Variants in MAP3K4 observed in about 807,000 individuals in gnomAD.
The protein encoded by MAP3K4 is MAP three kinase 1.
Under a neutral mutation model 185.6 loss-of-function variants are expected in MAP3K4, and 67 were observed. The ratio of observed to expected loss-of-function variants is 0.36; its 90% CI spans 0.30 to 0.44. MAP3K4 has a LOEUF of 0.44. MAP3K4 is among the 20% of genes least tolerant of loss of function. The pLI is 1.00. For synonymous variants in MAP3K4, 702 were observed against 710.4 expected (o/e 0.99, Z 0.19); for missense variants, 1,551 against 1,995.1 (o/e 0.78, Z 4.24).
intron 1 of MAP3K4, among the ~76,000 whole-genome samples, chr6:161,024,926 T>C (rs1782569575): frequency 6.6e-6 from 1 of 152,212 alleles, no homozygotes; most frequent in Non-Finnish European, 1.5e-5. Flanking sequence ...TACGTATGTA[T>C]GTATGTATGT....
Position 161,007,282 on chromosome 6 carries a change from C to G in MAP3K4, c.152+15199C>G, listed in dbSNP as rs1447177658. ...GGACAGTTAAGTAGACGATTTTATT[C>G]GGGATATTGCAGTGGGGAAAAACAT... On this transcript the variant is annotated intron_variant, in intron 1 of 26. Transcript: ENST00000392142. This position sits in a 1 kb window ranked among gnomAD's most constrained non-coding sequence, Gnocchi z 4.5. Among the ~76,000 whole-genome samples the G allele has an allele frequency of 6.6e-6, 1 of 152,042 alleles. No individual in the cohort carries two copies. The highest frequency in any genetic ancestry group is 2.4e-5 in the African/African-American group (1 of 41,418).
At chr6:161,004,676 A>G (rs1406758786) in intron 1 of MAP3K4, among the ~76,000 whole-genome samples, 1 of 152,258 alleles carries the variant, frequency 6.6e-6, no homozygotes, top group Non-Finnish European at 1.5e-5. Context: ...TTACCAAGAA[A>G]TAATAGATGA....
chr6:161,038,194 C>A (rs1783271456), intron 2 of MAP3K4, among the ~76,000 whole-genome samples: 1 of 152,184 alleles, frequency 6.6e-6, no homozygotes, highest in South Asian at 2.1e-4. Context: ...TGAATAAGAC[C>A]TAGTTCCAGG....
At position 161,109,996 on chromosome 6, in the gene MAP3K4, C is replaced by A; in HGVS notation, c.4396+82C>A. On this transcript the variant is annotated intron_variant, in intron 23 of 26. Coordinates refer to ENST00000392142, the MANE Select transcript of MAP3K4 (RefSeq NM_005922.4). This position sits in a 1 kb window ranked among gnomAD's most constrained non-coding sequence, Gnocchi z 5.7. ...GGAGGTGCTCTGAAGACGCTCATCC[C>A]ATTCCCACATATGATTTCTCTAGAT... 1 of 1,401,420 alleles carries A rather than the reference C, an allele frequency of 7.1e-7. No homozygotes were observed. The highest frequency in any genetic ancestry group is 1.0e-6 in the Non-Finnish European group (1 of 1,001,226). 86.8% of individuals were successfully genotyped at this position (1,401,420 alleles called of 1,614,324 possible).
intron 19 of MAP3K4, among the ~76,000 whole-genome samples, chr6:161,105,712 G>A (rs1437562532): frequency 3.3e-5 from 5 of 152,222 alleles, no homozygotes. Context: ...GGTGTGTTCT[G>A]TAAGAGTCTT....
In MAP3K4 at chr6:161,046,568, ATC is replaced by A. The variant is rs1162830770; in HGVS notation, c.344-2044_344-2043del. On this transcript the variant is annotated intron_variant, in intron 2 of 26. Coordinates refer to ENST00000392142, the MANE Select transcript of MAP3K4 (RefSeq NM_005922.4). ...TTTGTATACTAAAATACAGCAAAAA[ATC>A]TCTATGGACAGATTGGTTTAAAACC... is the stretch of plus-strand genomic sequence containing the variant. Among the ~76,000 whole-genome samples, 32 of 151,920 alleles carry A rather than the reference ATC, an allele frequency of 2.1e-4. 1 individual carries two copies. Among genetic ancestry groups the A allele is most frequent in the Non-Finnish European group, 5.9e-5 (4 of 67,878 alleles).
intron 2 of MAP3K4, among the ~76,000 whole-genome samples, chr6:161,039,291 A>AC (rs1783330988): frequency 6.6e-6 from 1 of 151,848 alleles, no homozygotes; most frequent in Non-Finnish European, 1.5e-5. Context: ...AAAAAAAAAA[A>AC]AAAAAAAAAC....
In MAP3K4 at chr6:161,076,148, C is replaced by CAAGCT. The variant is rs1785165611; in HGVS notation, c.2097+2537_2097+2541dup. ...ATGTAAACTAAAATGAAGGTAAACC[C>CAAGCT]AAGCTCTAAATACGTGTCCGCCTTA... On this transcript the variant is annotated intron_variant, in intron 5 of 26. Coordinates refer to ENST00000392142, the MANE Select transcript of MAP3K4 (RefSeq NM_005922.4). The surrounding 1 kb of genome is among the most constrained non-coding windows in gnomAD (Gnocchi z 4.2). Among the ~76,000 whole-genome samples, 1 of 152,166 alleles carries CAAGCT rather than the reference C, an allele frequency of 6.6e-6. No individual in the cohort carries two copies. The highest frequency in any genetic ancestry group is 2.1e-4 in the South Asian group (1 of 4,826).
intron 3 of MAP3K4, among the ~76,000 whole-genome samples, chr6:161,058,978 T>G (rs1353604207): frequency 6.6e-6 from 1 of 152,186 alleles, no homozygotes; most frequent in African/African-American, 2.4e-5. Flanking sequence ...AATGGAATTG[T>G]TAGGTCATGG....
At position 161,089,410 on chromosome 6, in the gene MAP3K4, C is replaced by G; in HGVS notation, c.2912C>G (p.Thr971Ser). The change falls in exon 11 of 27, where the codon ACT becomes AGT. Residue 971 changes from threonine (T) to serine (S), a missense_variant. Physicochemically the swap from Thr to Ser is moderately conservative, Grantham distance 58. This residue lies in a region of MAP3K4 where 261 missense variants were observed against 306.5 expected (regional missense o/e 0.85). Coordinates refer to ENST00000392142, the MANE Select transcript of MAP3K4 (RefSeq NM_005922.4). Reference sequence around the variant, plus strand: ...CAGCAGTCCATTGAGGGACTTATGACTCTGTGCCAGGAGCAGACATCCAGT... The same window carrying G: ...CAGCAGTCCATTGAGGGACTTATGAGTCTGTGCCAGGAGCAGACATCCAGT... ...AFQQSIEGLM[T>S]LCQEQTSSQP... The G allele has an allele frequency of 6.2e-7, 1 of 1,614,224 alleles. No individual in the cohort carries two copies. Among genetic ancestry groups the G allele is most frequent in the South Asian group, 1.1e-5 (1 of 91,086 alleles).
rs1777811597 is a variant in MAP3K4, at chr6:161,100,855, C to T, written c.3675-1037C>T. Among the ~76,000 whole-genome samples, 1 of 152,020 alleles carries T rather than the reference C, an allele frequency of 6.6e-6. No homozygotes were observed. Among genetic ancestry groups the T allele is most frequent in the South Asian group, 2.1e-4 (1 of 4,804 alleles). ...CCAGTGGTTTTCCCGTCAGATAGTG[C>T]CGAATTTTTTATGAACTATATGGCA... On this transcript the variant is annotated intron_variant, in intron 17 of 26. Coordinates refer to ENST00000392142, the MANE Select transcript of MAP3K4 (RefSeq NM_005922.4). This position sits in a 1 kb window ranked among gnomAD's most constrained non-coding sequence, Gnocchi z 5.8.
rs538919727 is a variant in MAP3K4, at chr6:161,032,203, C to T, written c.153-2056C>T. ...AACAGAAACCTTATAATATTGAGTT[C>T]GAAAGAATTCAGCAGATGTTTCAGA... On this transcript the variant is annotated intron_variant, in intron 1 of 26. Coordinates refer to ENST00000392142, the MANE Select transcript of MAP3K4 (RefSeq NM_005922.4). Among the ~76,000 whole-genome samples the T allele has an allele frequency of 2.6e-5, 4 of 152,142 alleles. No homozygotes were observed. The East Asian group carries it at 5.8e-4, about 22-fold the overall frequency.
chr6:161,073,746 A>G lies in MAP3K4; in HGVS notation c.2097+134A>G, dbSNP rs1198902968. ...AAACTTCTCTAGTAATGAATTATAG[A>G]AATGATCCCTGAAAGTATAGCTTGT... On this transcript the variant is annotated intron_variant, in intron 5 of 26. Transcript: ENST00000392142. The surrounding 1 kb of genome is among the most constrained non-coding windows in gnomAD (Gnocchi z 4.2). 1 of 898,010 alleles carries G rather than the reference A, an allele frequency of 1.1e-6. No homozygotes were observed. The highest frequency in any genetic ancestry group is 1.6e-6 in the Non-Finnish European group (1 of 620,554). 55.6% of individuals were successfully genotyped at this position (898,010 alleles called of 1,614,324 possible).
At chr6:161,029,686 A>AT (rs1562491591) in intron 1 of MAP3K4, among the ~76,000 whole-genome samples, 1 of 152,228 alleles carries the variant, frequency 6.6e-6, no homozygotes, top group Non-Finnish European at 1.5e-5. Flanking sequence ...ATTGGTATAC[A>AT]TGTAAACATT....
chr6:161,041,946 T>C (rs561950706), intron 2 of MAP3K4, among the ~76,000 whole-genome samples: 2 of 117,936 alleles, frequency 1.7e-5, no homozygotes, highest in East Asian at 5.9e-4. Context: ...TTTTTAGAGA[T>C]GGGGTCTCGC....
In MAP3K4 at chr6:161,080,911, C is replaced by T; in HGVS notation, c.2128C>T (p.Gln710Ter). 6.2e-7 allele frequency: 1 copy of T among 1,613,908 alleles called. No homozygotes were observed. Among genetic ancestry groups the T allele is most frequent in the Non-Finnish European group, 8.5e-7 (1 of 1,179,932 alleles). Residue 710 changes from glutamine to a stop codon, truncating the protein, a stop_gained, in exon 6 of 27, where the codon CAA (glutamine) becomes TAA (stop). Transcript: ENST00000392142. LOFTEE classifies it high-confidence loss of function. The surrounding 1 kb of genome is among the most constrained non-coding windows in gnomAD (Gnocchi z 4.8). ...TTTTGATTACATGAGAAGCTGGATC[C>T]AAATGCTACAGCAATTACCTCAAGC... is the stretch of plus-strand genomic sequence containing the variant. ...VYFDYMRSWI[Q>*]MLQQLPQASH...
At position 160,996,817 on chromosome 6, in the gene MAP3K4, A is replaced by C. The variant is rs1781017349; in HGVS notation, c.152+4734A>C. On this transcript the variant is annotated intron_variant, in intron 1 of 26. Coordinates refer to ENST00000392142, the MANE Select transcript of MAP3K4 (RefSeq NM_005922.4). This position sits in a 1 kb window ranked among gnomAD's most constrained non-coding sequence, Gnocchi z 4.5. The stretch of plus-strand genomic sequence containing the variant: ...TGTATTCTCTTGCTTGTAGAAAGCC[A>C]AAGTATAATTAAGAGATTGATTAGT... Among the ~76,000 whole-genome samples, 1 of 152,200 alleles carries C rather than the reference A, an allele frequency of 6.6e-6. No individual in the cohort carries two copies. The highest frequency in any genetic ancestry group is 1.5e-5 in the Non-Finnish European group (1 of 68,042).
Position 160,996,049 on chromosome 6 carries a change from C to T in MAP3K4, c.152+3966C>T, listed in dbSNP as rs1024555625. Among the ~76,000 whole-genome samples, 1 of 152,182 alleles carries T rather than the reference C, an allele frequency of 6.6e-6. No homozygotes were observed. Among genetic ancestry groups the T allele is most frequent in the Non-Finnish European group, 1.5e-5 (1 of 68,036 alleles). On this transcript the variant is annotated intron_variant, in intron 1 of 26. Coordinates refer to ENST00000392142, the MANE Select transcript of MAP3K4 (RefSeq NM_005922.4). The surrounding 1 kb of genome is among the most constrained non-coding windows in gnomAD (Gnocchi z 4.5). ...CTAAAAAACTAGTTGAATGTCGTCA[C>T]TCCTAGGCAATTTGCTCTGCCTCTC... is the stretch of plus-strand genomic sequence containing the variant.
chr6:161,049,947 A>G lies in MAP3K4; in HGVS notation c.1675A>G (p.Ile559Val), dbSNP rs1471256881. 6.2e-7 allele frequency: 1 copy of G among 1,613,154 alleles called. No individual in the cohort carries two copies. Among genetic ancestry groups the G allele is most frequent in the Non-Finnish European group, 8.5e-7 (1 of 1,179,650 alleles). ...GGATGGTTCCTTGCAAAGGGCACGT[A>G]TAGCATTGGTAAAGAACGATCGTCC... is the stretch of plus-strand genomic sequence containing the variant. The part of the protein sequence containing the change: ...LMDGSLQRAR[I>V]ALVKNDRPVE... Residue 559 changes from isoleucine (I) to valine (V), a missense_variant, in exon 3 of 27, where the codon ATA (isoleucine) becomes GTA (valine). Coordinates refer to ENST00000392142, the MANE Select transcript of MAP3K4 (RefSeq NM_005922.4). The surrounding 1 kb of genome is among the most constrained non-coding windows in gnomAD (Gnocchi z 8.4).
Sources: gnomAD v4.1 joint callset for allele counts (sites outside exome capture counted in the v4.1 genomes callset) on GRCh38, gnomAD v4.1.1 for gene constraint, gnomAD v4.1.1 regional missense constraint, Gnocchi (gnomAD v3.1) non-coding constraint, MANE v1.5 for transcripts, NCBI Gene and HGNC (gene_info 2026-07-23, HGNC 2026-07-21) for gene names.